The following GABRA3 variants were observed in gnomAD, a reference collection of about 807,000 sequenced individuals.
GABRA3 encodes gamma-aminobutyric acid receptor subunit alpha-3.
Under a neutral mutation model 30.1 loss-of-function variants are expected in GABRA3, and 10 were observed. That is an observed-to-expected ratio of 0.33 (90% CI 0.20 to 0.56). GABRA3 has a LOEUF of 0.56. Ranked by LOEUF, GABRA3 falls within the 20% of genes least tolerant of loss-of-function variation. The pLI is 0.89. For synonymous variants in GABRA3, 151 were observed against 146.8 expected (o/e 1.03, Z -0.21); for missense variants, 233 against 392.0 (o/e 0.59, Z 3.42).
chrX:152,327,943 T>C (rs1940092298), intron 3 of GABRA3, among the ~76,000 whole-genome samples: 1 of 111,129 alleles, frequency 9.0e-6, no homozygotes, highest in South Asian at 3.8e-4. Context: ...ACAAAATTGA[T>C]AGACTGCTAG....
chrX:152,247,301 T>C (rs886227789), intron 5 of GABRA3, among the ~76,000 whole-genome samples: 1 of 111,708 alleles, frequency 9.0e-6, no homozygotes, highest in Non-Finnish European at 1.9e-5. Context: ...AGCTGACATT[T>C]TGTGCAATGT....
intron 6 of GABRA3, among the ~76,000 whole-genome samples, chrX:152,223,185 C>A (rs1300618120): frequency 2.7e-5 from 3 of 111,112 alleles, no homozygotes; most frequent in Non-Finnish European, 5.7e-5. Context: ...GAGAGGCTCT[C>A]CCCTTTCTCC....
At chrX:152,233,058 C>A (rs142410667) in intron 5 of GABRA3, among the ~76,000 whole-genome samples, 2,680 of 111,194 alleles carry the variant, frequency 0.024, 43 homozygotes, top group Middle Eastern at 0.065. Context: ...TTTTAATTTG[C>A]ATTTCACTGA....
At chrX:152,303,967 T>TA (rs756340919) in intron 3 of GABRA3, among the ~76,000 whole-genome samples, 22 of 112,089 alleles carry the variant, frequency 2.0e-4, no homozygotes, top group Admixed American at 1.9e-3. Context: ...TCCCAGAACT[T>TA]AAAGTAAAAT....
chrX:152,202,757 C>A (rs997159487), intron 7 of GABRA3, among the ~76,000 whole-genome samples: 6 of 111,475 alleles, frequency 5.4e-5, no homozygotes, highest in Non-Finnish European at 1.1e-4. Context: ...AGAGCAAAAC[C>A]AAAAATAAAA....
chrX:152,265,076 T>C (rs990608305), intron 4 of GABRA3, among the ~76,000 whole-genome samples: 2 of 111,577 alleles, frequency 1.8e-5, no homozygotes, highest in Middle Eastern at 4.6e-3. Context: ...CATTTCAACA[T>C]TGGACAGATA....
At chrX:152,239,285 T>A (rs1938302024) in intron 5 of GABRA3, among the ~76,000 whole-genome samples, 1 of 106,909 alleles carries the variant, frequency 9.4e-6, no homozygotes, top group Non-Finnish European at 1.9e-5. Context: ...TTGTTCAGTT[T>A]CCATGTAGTT....
At chrX:152,268,286 G>A (rs1662244763) in intron 4 of GABRA3, among the ~76,000 whole-genome samples, 1 of 111,593 alleles carries the variant, frequency 9.0e-6, no homozygotes, top group African/African-American at 3.3e-5. Flanking sequence ...CCATGTCATG[G>A]GAGGGACCCG....
At chrX:152,204,206 G>A (rs1937514884) in intron 7 of GABRA3, among the ~76,000 whole-genome samples, 1 of 111,835 alleles carries the variant, frequency 8.9e-6, no homozygotes, top group Admixed American at 9.5e-5. Context: ...GTGAAAAATG[G>A]CAGTATAAGC....
chrX:152,196,426 G>GA (rs1937389803), intron 8 of GABRA3, among the ~76,000 whole-genome samples: 1 of 103,175 alleles, frequency 9.7e-6, no homozygotes, highest in Non-Finnish European at 2.0e-5. Context: ...AAAAAAGAAA[G>GA]AAAGAAAGGA....
intron 4 of GABRA3, among the ~76,000 whole-genome samples, chrX:152,263,207 C>A (rs1938763112): frequency 9.1e-6 from 1 of 110,301 alleles, no homozygotes; most frequent in Non-Finnish European, 1.9e-5. Flanking sequence ...TGGGTGGGGA[C>A]ACAGCTAAAC....
chrX:152,341,632 C>T (rs1164519933), intron 3 of GABRA3, among the ~76,000 whole-genome samples: 1 of 106,081 alleles, frequency 9.4e-6, no homozygotes, highest in Non-Finnish European at 1.9e-5. Flanking sequence ...CTCTGCCTCC[C>T]GGATTCAAGC....
At chrX:152,280,355 G>A (rs1026027273) in intron 4 of GABRA3, among the ~76,000 whole-genome samples, 1 of 111,469 alleles carries the variant, frequency 9.0e-6, no homozygotes, top group African/African-American at 3.3e-5. Context: ...AATAGACAAA[G>A]GTTCTCATCC....
intron 1 of GABRA3, among the ~76,000 whole-genome samples, chrX:152,438,002 A>C (rs1206804949): frequency 8.9e-6 from 1 of 112,167 alleles, no homozygotes; most frequent in Non-Finnish European, 1.9e-5. Flanking sequence ...TGCTCTGTGA[A>C]ACGCACTGTT....
Position 152,265,202 on chromosome X carries a change from T to C in GABRA3, c.331-9204A>G, listed in dbSNP as rs184466484. Among the ~76,000 whole-genome samples the C allele has an allele frequency of 8.7e-3, 970 of 111,554 alleles. 14 individuals are homozygous for C. The highest frequency in any genetic ancestry group is 0.029 in the African/African-American group (905 of 30,775). ...AATGGTTGCAGAATACACATTTTTTTCCTCAGCACATGGGACATTCTTAAG... is the reference window on the plus strand; with the variant it reads ...AATGGTTGCAGAATACACATTTTTTCCCTCAGCACATGGGACATTCTTAAG... On this transcript the variant is annotated intron_variant, in intron 4 of 9. Transcript: ENST00000370314.
intron 3 of GABRA3, among the ~76,000 whole-genome samples, chrX:152,341,532 C>A (rs1030649888): frequency 9.0e-4 from 96 of 106,340 alleles, no homozygotes; most frequent in African/African-American, 3.2e-3. Context: ...ATATCCATAA[C>A]AACATCTATT....
chrX:152,392,160 A>T, intron 1 of GABRA3: 1 of 371,277 alleles, frequency 2.7e-6, no homozygotes, highest in Non-Finnish European at 5.5e-6. Flanking sequence ...CAAGATTAGA[A>T]ACACAGAGCA....
intron 1 of GABRA3, among the ~76,000 whole-genome samples, chrX:152,374,035 C>T (rs1928917915): frequency 1.8e-5 from 2 of 111,285 alleles, no homozygotes; most frequent in African/African-American, 6.5e-5. Flanking sequence ...CATTGATGGA[C>T]ATTTGCATTT....
At chrX:152,301,268 A>G (rs1939625475) in intron 3 of GABRA3, among the ~76,000 whole-genome samples, 1 of 111,824 alleles carries the variant, frequency 8.9e-6, no homozygotes, top group Non-Finnish European at 1.9e-5. Flanking sequence ...CAGCAAAACT[A>G]TGTTTAGGAA....
Sources: gnomAD v4.1 joint callset for allele counts (sites outside exome capture counted in the v4.1 genomes callset) on GRCh38, gnomAD v4.1.1 for gene constraint, MANE v1.5 for transcripts, NCBI Gene and HGNC (gene_info 2026-07-23, HGNC 2026-07-21) for gene names.